Variants in SLC25A48 observed in about 807,000 individuals in gnomAD.
SLC25A48 encodes the protein solute carrier family 25 member 48.
A neutral mutation model predicts 32.2 loss-of-function variants in SLC25A48; 29 were observed. That is an observed-to-expected ratio of 0.90 (90% CI 0.67 to 1.23). The LOEUF is 1.23. Among genes scored for constraint, SLC25A48 ranks in the 50% most tolerant of loss-of-function variants. SLC25A48 has a pLI of 0.00. For missense variants in SLC25A48, 399 were observed against 422.7 expected (o/e 0.94, Z 0.49); for synonymous variants, 164 against 172.3 (o/e 0.95, Z 0.38).
At chr5:135,602,234 G>C (rs1751813624) in intron 1 of SLC25A48, among the ~76,000 whole-genome samples, 2 of 152,368 alleles carry the variant, frequency 1.3e-5, no homozygotes, top group South Asian at 2.1e-4. Flanking sequence ...AGAACACTCA[G>C]TAAGGCCAAA....
intron 4 of SLC25A48, among the ~76,000 whole-genome samples, chr5:135,865,273 G>A (rs1761098534): frequency 6.6e-6 from 1 of 152,160 alleles, no homozygotes; most frequent in Admixed American, 6.5e-5. Context: ...CTCACGTCAT[G>A]AGGAAACTGC....
intron 3 of SLC25A48, among the ~76,000 whole-genome samples, chr5:135,785,218 C>G (rs528677603): frequency 8.9e-4 from 135 of 152,228 alleles, no homozygotes; most frequent in Non-Finnish European, 1.2e-3. Context: ...GTGTTCACCC[C>G]CCTTGTCCCA....
intron 7 of SLC25A48, among the ~76,000 whole-genome samples, chr5:135,884,831 G>A (rs868184213): frequency 1.6e-4 from 24 of 152,292 alleles, no homozygotes; most frequent in African/African-American, 5.3e-4. Flanking sequence ...TCTACTGGGT[G>A]CTCCTGATGA....
intron 3 of SLC25A48, among the ~76,000 whole-genome samples, chr5:135,776,320 C>T (rs973149243): frequency 6.6e-6 from 1 of 150,524 alleles, no homozygotes; most frequent in African/African-American, 2.4e-5. Context: ...ACGGGGTATA[C>T]ACCTCACCTG....
chr5:135,597,904 T>G (rs1751692835), intron 1 of SLC25A48, among the ~76,000 whole-genome samples: 1 of 152,088 alleles, frequency 6.6e-6, no homozygotes, highest in Admixed American at 6.5e-5. Context: ...CTCGGGAGGC[T>G]GAGGCAGGAG....
chr5:135,665,733 A>G (rs1032750277), intron 3 of SLC25A48, among the ~76,000 whole-genome samples: 3 of 149,848 alleles, frequency 2.0e-5, no homozygotes, highest in African/African-American at 7.4e-5. Context: ...TTTTGATACT[A>G]AATTTTCTTA....
At chr5:135,842,572 C>A in intron 2 of SLC25A48, 113 bp downstream of exon 2, 1 of 1,113,092 alleles carries the variant, frequency 9.0e-7, no homozygotes, top group Non-Finnish European at 1.3e-6. Context: ...CCAGGGCAGA[C>A]TCTCTGTTGC....
chr5:135,689,833 C>T (rs969254068), intron 3 of SLC25A48, among the ~76,000 whole-genome samples: 9 of 152,146 alleles, frequency 5.9e-5, no homozygotes, highest in Non-Finnish European at 1.2e-4. Flanking sequence ...AATGAAGATA[C>T]GATTTTATTC....
chr5:135,752,309 C>T (rs531618959), intron 3 of SLC25A48, among the ~76,000 whole-genome samples: 1 of 152,078 alleles, frequency 6.6e-6, no homozygotes, highest in South Asian at 2.1e-4. Flanking sequence ...AGTGGCTCAC[C>T]CCTGTAATCC....
At chr5:135,674,942 C>G (rs1469515071) in intron 3 of SLC25A48, among the ~76,000 whole-genome samples, 1 of 151,352 alleles carries the variant, frequency 6.6e-6, no homozygotes, top group Non-Finnish European at 1.5e-5. Flanking sequence ...ATTCATTTTC[C>G]ATAGTGGTTG....
At chr5:135,783,488 C>T (rs1324541326) in intron 3 of SLC25A48, among the ~76,000 whole-genome samples, 1 of 110,298 alleles carries the variant, frequency 9.1e-6, no homozygotes, top group Admixed American at 9.1e-5. Context: ...TTACATACTG[C>T]TGTGATATTC....
At chr5:135,886,068 T>C (rs1762701273) in intron 7 of SLC25A48, among the ~76,000 whole-genome samples, 1 of 152,226 alleles carries the variant, frequency 6.6e-6, no homozygotes, top group African/African-American at 2.4e-5. Context: ...GAATTTGATG[T>C]TGGTGATTTC....
chr5:135,849,013 C>T (rs1759624827), intron 2 of SLC25A48, among the ~76,000 whole-genome samples: 1 of 152,148 alleles, frequency 6.6e-6, no homozygotes, highest in Admixed American at 6.5e-5. Context: ...GAATTTATTT[C>T]CATACGAGTT....
chr5:135,672,205 T>C (rs1414674868), intron 3 of SLC25A48, among the ~76,000 whole-genome samples: 1 of 152,182 alleles, frequency 6.6e-6, no homozygotes, highest in African/African-American at 2.4e-5. Flanking sequence ...CGAACCCTTC[T>C]GGAGATGTTC....
At position 135,844,679 on chromosome 5, in the gene SLC25A48, C is replaced by T. The variant is rs963801149; in HGVS notation, c.90+2220C>T. ...AGCTGCTATTTTTATCAACATCATTCGATATATATTAAGTTTTGCTCAGTT... is the reference window on the plus strand; with the variant it reads ...AGCTGCTATTTTTATCAACATCATTTGATATATATTAAGTTTTGCTCAGTT... On this transcript the variant is annotated intron_variant, in intron 2 of 7. Coordinates refer to ENST00000681962, the MANE Select transcript of SLC25A48 (RefSeq NM_001349336.2). 7.2e-5 allele frequency among the ~76,000 whole-genome samples: 11 copies of T among 152,114 alleles called. No homozygotes were observed. The East Asian group carries it at 7.7e-4, about 11-fold the overall frequency.
At chr5:135,579,210 G>A (rs905720683) in exon 1 of SLC25A48, 2 of 260,898 alleles carry the variant, frequency 7.7e-6, no homozygotes, top group African/African-American at 2.3e-5. Flanking sequence ...ACACACATCC[G>A]CTACCCTCTC....
At chr5:135,878,219 A>C (rs1762192688) in intron 6 of SLC25A48, among the ~76,000 whole-genome samples, 1 of 152,140 alleles carries the variant, frequency 6.6e-6, no homozygotes, top group African/African-American at 2.4e-5. Context: ...GAAGTGGCCC[A>C]CAGCTCCTGC....
chr5:135,610,870 A>G (rs1237059195), intron 1 of SLC25A48, among the ~76,000 whole-genome samples: 1 of 152,228 alleles, frequency 6.6e-6, no homozygotes, highest in Non-Finnish European at 1.5e-5. Context: ...TTCTCACTTT[A>G]TACATAACTT....
chr5:135,852,820 C>G lies in SLC25A48; in HGVS notation c.420C>G (p.Asp140Glu), dbSNP rs777873378. ...AGATGCAGACACAACCGTTTCGGGA[C>G]GGTAAGAGGCCAGGGGAGCGGAGGC... ...RLQMQTQPFR[D>E]ANLGLKSRAV... Residue 140 changes from aspartate to glutamate, a missense_variant and splice_region_variant, in exon 4 of 8, where the codon GAC becomes GAG. Coordinates refer to ENST00000681962, the MANE Select transcript of SLC25A48 (RefSeq NM_001349336.2). 4 of 1,602,056 alleles carry G rather than the reference C, an allele frequency of 2.5e-6. No individual in the cohort carries two copies. In the Admixed American group the frequency reaches 5.0e-5, roughly 20 times the overall value.
Sources: allele counts gnomAD v4.1 joint callset (sites outside exome capture counted in the v4.1 genomes callset), GRCh38; gene constraint gnomAD v4.1.1; transcripts MANE v1.5; gene names NCBI Gene and HGNC (gene_info 2026-07-23, HGNC 2026-07-21).